The following CSTPP1 variants were observed in gnomAD, a reference collection of about 807,000 sequenced individuals.
The protein encoded by CSTPP1 is centriolar satellite-associated tubulin polyglutamylase complex regulator 1.
the CSTPP1 span, among the ~76,000 whole-genome samples, chr11:46,945,795 G>C: frequency 5.9e-5 from 9 of 152,124 alleles, no homozygotes; most frequent in South Asian, 8.3e-4. Context: ...AACTTACACA[G>C]TAGATGGGAG....
chr11:47,113,983 C>G, the CSTPP1 span, among the ~76,000 whole-genome samples: 2 of 152,198 alleles, frequency 1.3e-5, no homozygotes, highest in East Asian at 3.9e-4. Flanking sequence ...GGTTTTAGGT[C>G]GAACATTTAA....
At chr11:47,044,144 G>A in the CSTPP1 span, among the ~76,000 whole-genome samples, 4 of 151,944 alleles carry the variant, frequency 2.6e-5, no homozygotes, top group African/African-American at 7.2e-5. Flanking sequence ...GCACCATCAC[G>A]CCTGGCTAAT....
chr11:47,068,498 C>G, the CSTPP1 span, among the ~76,000 whole-genome samples: 5 of 152,060 alleles, frequency 3.3e-5, no homozygotes, highest in African/African-American at 1.2e-4. Context: ...TGCCACTGCA[C>G]TCCAATATGG....
At chr11:47,047,988 T>G in the CSTPP1 span, among the ~76,000 whole-genome samples, 5 of 152,322 alleles carry the variant, frequency 3.3e-5, no homozygotes, top group East Asian at 9.6e-4. Context: ...TGGCTGTTTT[T>G]TAAAAAGGAA....
chr11:46,967,346 GCCACC>G, the CSTPP1 span, among the ~76,000 whole-genome samples: 1 of 152,088 alleles, frequency 6.6e-6, no homozygotes, highest in Non-Finnish European at 1.5e-5. Context: ...GAATTGCCTT[GCCACC>G]TTGTTGAAAA....
the CSTPP1 span, among the ~76,000 whole-genome samples, chr11:46,983,725 A>G: frequency 6.6e-6 from 1 of 152,170 alleles, no homozygotes; most frequent in African/African-American, 2.4e-5. Flanking sequence ...AGTTTGATAA[A>G]CTAAGGATTT....
At chr11:47,105,551 T>C in the CSTPP1 span, among the ~76,000 whole-genome samples, 2 of 152,166 alleles carry the variant, frequency 1.3e-5, no homozygotes, top group Non-Finnish European at 2.9e-5. Flanking sequence ...ACAGCTATCA[T>C]TTATTGAACA....
the CSTPP1 span, among the ~76,000 whole-genome samples, chr11:46,976,036 T>A: frequency 6.6e-6 from 1 of 151,794 alleles, no homozygotes; most frequent in Non-Finnish European, 1.5e-5. Context: ...TGTTACAGAG[T>A]TTTAGGAGAG....
At chr11:47,031,611 C>T in the CSTPP1 span, among the ~76,000 whole-genome samples, 2 of 151,802 alleles carry the variant, frequency 1.3e-5, no homozygotes, top group Non-Finnish European at 2.9e-5. Context: ...GCAGGGGGAT[C>T]GCTTCAGCCC....
chr11:47,161,236 GGGTC>G, the CSTPP1 span: 1 of 1,613,926 alleles, frequency 6.2e-7, no homozygotes, highest in Non-Finnish European at 8.5e-7. Context: ...GGGGCCAGAC[GGGTC>G]GGACACGGCT....
chr11:46,970,891 T>G, the CSTPP1 span, among the ~76,000 whole-genome samples: 1 of 152,176 alleles, frequency 6.6e-6, no homozygotes, highest in African/African-American at 2.4e-5. Context: ...AGGGAACAAT[T>G]AATAAATTAT....
chr11:46,960,086 C>T, the CSTPP1 span, among the ~76,000 whole-genome samples: 3 of 152,078 alleles, frequency 2.0e-5, no homozygotes, highest in Non-Finnish European at 4.4e-5. Context: ...AGGCTGGTCT[C>T]GAACACCCAA....
chr11:47,145,594 A>G, the CSTPP1 span, among the ~76,000 whole-genome samples: 1 of 152,090 alleles, frequency 6.6e-6, no homozygotes, highest in Non-Finnish European at 1.5e-5. Flanking sequence ...CCTGGGTGAC[A>G]TAGCAAGACT....
the CSTPP1 span, among the ~76,000 whole-genome samples, chr11:46,976,685 T>A: frequency 6.6e-5 from 10 of 152,198 alleles, no homozygotes; most frequent in African/African-American, 2.4e-4. Context: ...ATGAGTTTTT[T>A]AAGTTTCTGT....
At chr11:46,990,890 T>C in the CSTPP1 span, among the ~76,000 whole-genome samples, 1 of 152,210 alleles carries the variant, frequency 6.6e-6, no homozygotes, top group South Asian at 2.1e-4. Flanking sequence ...CAGGGAGTCC[T>C]TTCCCCAGTG....
chr11:47,048,339 TGGCC>T, the CSTPP1 span, among the ~76,000 whole-genome samples: 1 of 152,158 alleles, frequency 6.6e-6, no homozygotes, highest in East Asian at 1.9e-4. Flanking sequence ...AATAAATTTA[TGGCC>T]CTGCAGTGGC....
chr11:47,150,883 G>GT, the CSTPP1 span, among the ~76,000 whole-genome samples: 84 of 60,524 alleles, frequency 1.4e-3, 2 homozygotes, highest in African/African-American at 3.7e-3. Flanking sequence ...GACTGTGAAG[G>GT]TTTTTTTTTT....
chr11:47,116,669 T>A, the CSTPP1 span, among the ~76,000 whole-genome samples: 4 of 141,016 alleles, frequency 2.8e-5, no homozygotes, highest in African/African-American at 1.0e-4. Context: ...TCCATTTGCT[T>A]GGTAGGTTTT....
chr11:46,946,374 C>A, the CSTPP1 span, among the ~76,000 whole-genome samples: 1 of 152,164 alleles, frequency 6.6e-6, no homozygotes, highest in African/African-American at 2.4e-5. Context: ...AATAGTAGAG[C>A]AGGCCGGGAG....
Sources: allele counts gnomAD v4.1 joint callset (sites outside exome capture counted in the v4.1 genomes callset), GRCh38; gene constraint gnomAD v4.1.1; transcripts MANE v1.5; gene names NCBI Gene and HGNC (gene_info 2026-07-23, HGNC 2026-07-21).